KDM2A: variants seen among roughly 807,000 people sequenced by gnomAD.
KDM2A encodes lysine demethylase 2A, also known as lysine-specific demethylase 2A.
Under a neutral mutation model 137.3 loss-of-function variants are expected in KDM2A, and 3 were observed. The ratio of observed to expected loss-of-function variants is 0.02; its 90% CI spans 0.01 to 0.06. The LOEUF (loss-of-function observed/expected upper bound fraction) is 0.06, where lower values mean the gene tolerates loss of function less well. Among genes scored for constraint, KDM2A ranks in the 10% least tolerant of loss-of-function variants. The probability of loss-of-function intolerance (pLI) is 1.00; values close to 1 mark genes in which losing one functional copy is unlikely to be tolerated. For synonymous variants in KDM2A, 512 were observed against 541.5 expected (o/e 0.95, Z 0.76); for missense variants, 738 against 1,510.6 (o/e 0.49, Z 8.48).
At chr11:67,150,188 G>A (rs907639094) in intron 2 of KDM2A, among the ~76,000 whole-genome samples, 3 of 152,128 alleles carry the variant, frequency 2.0e-5, no homozygotes, top group African/African-American at 4.8e-5. Context: ...TGTTTAGCCC[G>A]GAAATATGCA....
intron 2 of KDM2A, among the ~76,000 whole-genome samples, chr11:67,177,313 CTT>C (rs1445791797): frequency 6.6e-6 from 1 of 152,094 alleles, no homozygotes; most frequent in African/African-American, 2.4e-5. Context: ...TAGTCTGTAA[CTT>C]TTTAACTTTA....
chr11:67,212,222 C>G (rs1380850652), intron 6 of KDM2A, among the ~76,000 whole-genome samples: 2 of 152,124 alleles, frequency 1.3e-5, no homozygotes, highest in African/African-American at 2.4e-5. Flanking sequence ...AGGGGAAGCT[C>G]TTTGGAGGAA....
chr11:67,137,760 G>T (rs1236520761), intron 2 of KDM2A, among the ~76,000 whole-genome samples: 1 of 152,062 alleles, frequency 6.6e-6, no homozygotes, highest in Non-Finnish European at 1.5e-5. Flanking sequence ...TAGGTAATTG[G>T]GTATGATTCT....
At chr11:67,218,700 G>C (rs1858243415) in intron 9 of KDM2A, among the ~76,000 whole-genome samples, 1 of 151,998 alleles carries the variant, frequency 6.6e-6, no homozygotes, top group Non-Finnish European at 1.5e-5. Context: ...CACCTCCCAG[G>C]TCCCAGTTCA....
rs576671412 is a variant in KDM2A, at chr11:67,240,219, G to T, written c.1480-2790G>T. The T allele has an allele frequency of 1.8e-5, 27 of 1,535,356 alleles. 1 individual carries two copies. In the East Asian group the frequency reaches 2.4e-4, roughly 14 times the overall value. On this transcript the variant is annotated intron_variant, in intron 12 of 20. Transcript: ENST00000529006. ...GACTGCCCTGCCCTATGTGCTCTGGGAGATTCCAGAATATTCAAGTAAATC... is the reference window on the plus strand; with the variant it reads ...GACTGCCCTGCCCTATGTGCTCTGGTAGATTCCAGAATATTCAAGTAAATC...
chr11:67,203,859 G>A (rs1223351230), intron 5 of KDM2A, among the ~76,000 whole-genome samples: 2 of 150,878 alleles, frequency 1.3e-5, no homozygotes, highest in Non-Finnish European at 2.9e-5. Flanking sequence ...GGAGTGCAGT[G>A]GTGCGATCTT....
intron 2 of KDM2A, among the ~76,000 whole-genome samples, chr11:67,152,716 G>A (rs1345301954): frequency 1.3e-5 from 2 of 151,984 alleles, no homozygotes; most frequent in Admixed American, 6.6e-5. Context: ...CCCATACCAG[G>A]GATAAGTACT....
intron 6 of KDM2A, among the ~76,000 whole-genome samples, chr11:67,209,678 A>C (rs1327469760): frequency 6.6e-6 from 1 of 152,156 alleles, no homozygotes; most frequent in Non-Finnish European, 1.5e-5. Flanking sequence ...CCCTGACCTC[A>C]GGTGATCCAC....
intron 5 of KDM2A, among the ~76,000 whole-genome samples, chr11:67,198,570 C>T (rs1283456016): frequency 5.9e-5 from 9 of 151,704 alleles, no homozygotes; most frequent in Admixed American, 3.3e-4. Flanking sequence ...ATTAGCTGGG[C>T]GCAGTGGCGG....
chr11:67,174,817 A>G (rs1228070197), intron 2 of KDM2A, among the ~76,000 whole-genome samples: 1 of 152,238 alleles, frequency 6.6e-6, no homozygotes, highest in Non-Finnish European at 1.5e-5. Context: ...CAGGAATACA[A>G]TTCCCTGTTA....
At chr11:67,210,971 C>T (rs1010804072) in intron 6 of KDM2A, among the ~76,000 whole-genome samples, 1 of 152,058 alleles carries the variant, frequency 6.6e-6, no homozygotes, top group Non-Finnish European at 1.5e-5. Context: ...GTACAAGAAT[C>T]ACTTGAACCC....
chr11:67,214,266 G>A (rs1272936473), intron 6 of KDM2A, among the ~76,000 whole-genome samples: 4 of 141,636 alleles, frequency 2.8e-5, no homozygotes, highest in South Asian at 2.2e-4. Context: ...GTGCAGTGGC[G>A]CAATCTCGGC....
intron 2 of KDM2A, among the ~76,000 whole-genome samples, chr11:67,124,926 T>C (rs1447154960): frequency 6.6e-6 from 1 of 151,144 alleles, no homozygotes; most frequent in East Asian, 1.9e-4. Context: ...GGCTCGATCT[T>C]GGCTCACTGC....
At chr11:67,247,483 A>G (rs1382796713) in intron 15 of KDM2A, among the ~76,000 whole-genome samples, 2 of 127,458 alleles carry the variant, frequency 1.6e-5, no homozygotes, top group Non-Finnish European at 1.6e-5. Flanking sequence ...GCTGGAGTAT[A>G]GTGGTGAGAT....
intron 12 of KDM2A, among the ~76,000 whole-genome samples, chr11:67,237,936 A>G (rs1858917457): frequency 1.3e-5 from 2 of 151,948 alleles, no homozygotes; most frequent in Admixed American, 1.3e-4. Context: ...AAAAAAATTT[A>G]TATCCTGTTA....
At chr11:67,199,570 C>T (rs1256842220) in intron 5 of KDM2A, among the ~76,000 whole-genome samples, 3 of 152,190 alleles carry the variant, frequency 2.0e-5, no homozygotes, top group African/African-American at 7.2e-5. Context: ...TTAACAAACC[C>T]TAAGCCACAG....
At chr11:67,246,156 T>C in intron 15 of KDM2A, 40 bp downstream of exon 15, 6 of 1,610,236 alleles carry the variant, frequency 3.7e-6, no homozygotes, top group Middle Eastern at 1.7e-4. Flanking sequence ...TCTCAGCTAA[T>C]GGAGTGAGTG....
intron 2 of KDM2A, among the ~76,000 whole-genome samples, chr11:67,126,725 A>C (rs1855740212): frequency 6.6e-6 from 1 of 151,866 alleles, no homozygotes; most frequent in Non-Finnish European, 1.5e-5. Context: ...AAAAAAAAAA[A>C]AGTATTTTTT....
intron 1 of KDM2A, among the ~76,000 whole-genome samples, chr11:67,120,702 G>A (rs921040404): frequency 2.6e-5 from 4 of 152,146 alleles, no homozygotes; most frequent in African/African-American, 9.7e-5. Context: ...TAGAAAGGAA[G>A]GCGACGATTG....
Sources: allele counts gnomAD v4.1 joint callset (sites outside exome capture counted in the v4.1 genomes callset), GRCh38; gene constraint gnomAD v4.1.1; transcripts MANE v1.5; gene names NCBI Gene and HGNC (gene_info 2026-07-23, HGNC 2026-07-21).